RIMS2: variants seen among roughly 807,000 people sequenced by gnomAD.
The protein encoded by RIMS2 is regulating synaptic membrane exocytosis 2.
RIMS2 carries 59 observed loss-of-function variants against 174.4 expected under a neutral mutation model. The ratio of observed to expected loss-of-function variants is 0.34; its 90% CI spans 0.27 to 0.42. The LOEUF (loss-of-function observed/expected upper bound fraction) is 0.42. Among genes scored for constraint, RIMS2 ranks in the 10% least tolerant of loss-of-function variants. The probability of loss-of-function intolerance (pLI) is 1.00; values close to 1 mark genes in which losing one functional copy is unlikely to be tolerated. For synonymous variants in RIMS2, 606 were observed against 572.5 expected (o/e 1.06, Z -0.84); for missense variants, 1,620 against 1,666.3 (o/e 0.97, Z 0.48).
intron 3 of RIMS2, among the ~76,000 whole-genome samples, chr8:103,773,528 G>A (rs1318120722): frequency 6.6e-6 from 1 of 152,080 alleles, no homozygotes; most frequent in African/African-American, 2.4e-5. Context: ...TCAGGAGTTC[G>A]AGACCAGCCT....
intron 1 of RIMS2, among the ~76,000 whole-genome samples, chr8:103,643,957 A>T (rs12681238): frequency 0.065 from 9,919 of 152,050 alleles, 398 homozygotes; most frequent in South Asian, 0.087. Flanking sequence ...CATCTTTATA[A>T]AATAGTTTCC....
chr8:104,042,712 T>C (rs938897824), intron 19 of RIMS2, among the ~76,000 whole-genome samples: 2 of 151,686 alleles, frequency 1.3e-5, no homozygotes, highest in African/African-American at 4.8e-5. Flanking sequence ...AGTTCACTTT[T>C]AGGATAGGTA....
intron 1 of RIMS2, among the ~76,000 whole-genome samples, chr8:103,619,045 C>G (rs557483387): frequency 1.3e-5 from 2 of 151,050 alleles, no homozygotes; most frequent in East Asian, 3.9e-4. Flanking sequence ...CCAATCCACT[C>G]CTGGATATGC....
At chr8:103,967,965 AT>A (rs2092333574) in intron 15 of RIMS2, among the ~76,000 whole-genome samples, 1 of 151,282 alleles carries the variant, frequency 6.6e-6, no homozygotes, top group African/African-American at 2.4e-5. Flanking sequence ...GGTTCAAGCA[AT>A]TCTCTCACCT....
intron 11 of RIMS2, among the ~76,000 whole-genome samples, chr8:103,931,009 G>A (rs2079813041): frequency 6.6e-6 from 1 of 152,078 alleles, no homozygotes; most frequent in Non-Finnish European, 1.5e-5. Context: ...TTATTTGCAT[G>A]TTAATAAGCA....
chr8:103,842,806 A>G (rs2098948032), intron 3 of RIMS2, among the ~76,000 whole-genome samples: 1 of 152,216 alleles, frequency 6.6e-6, no homozygotes, highest in Non-Finnish European at 1.5e-5. Flanking sequence ...AGTGTACCAT[A>G]AACTGGGTGG....
At chr8:104,217,870 TG>T (rs1308990735) in intron 19 of RIMS2, among the ~76,000 whole-genome samples, 6 of 152,174 alleles carry the variant, frequency 3.9e-5, no homozygotes, top group African/African-American at 1.4e-4. Flanking sequence ...TTATCGCTCA[TG>T]ACTTAAATGC....
chr8:103,652,552 T>A (rs1197857022), intron 1 of RIMS2, 72 bp from the exon 3 acceptor site: 1 of 773,354 alleles, frequency 1.3e-6, no homozygotes, highest in Non-Finnish European at 1.9e-6. Flanking sequence ...ATTTTTATTA[T>A]GGATAAGAAA....
rs376434557 is a variant in RIMS2, at chr8:103,931,330, C to G, written c.2312C>G (p.Pro771Arg). Residue 771 changes from proline (P) to arginine (R), a missense_variant, in exon 12 of 24, where the codon CCT (proline) becomes CGT (arginine). Transcript: ENST00000504942. ...ACAATTTTGGGAGCAAAAGATCTCC[C>G]TTCCAGGGAAGATGGGAGGCCAAGG... 3.0e-5 allele frequency: 48 copies of G among 1,605,266 alleles called. No individual in the cohort carries two copies. Among genetic ancestry groups the G allele is most frequent in the Non-Finnish European group, 4.1e-5 (48 of 1,175,532 alleles).
intron 2 of RIMS2, among the ~76,000 whole-genome samples, chr8:103,746,228 C>T (rs2097811524): frequency 6.6e-6 from 1 of 152,126 alleles, no homozygotes; most frequent in South Asian, 2.1e-4. Flanking sequence ...GATCTTGGCT[C>T]CCTTGTTGAA....
At chr8:103,513,433 G>C (rs1827518803) in intron 1 of RIMS2, among the ~76,000 whole-genome samples, 1 of 152,086 alleles carries the variant, frequency 6.6e-6, no homozygotes, top group African/African-American at 2.4e-5. Flanking sequence ...TGGAATTCAA[G>C]TATTTTAGAC....
intron 19 of RIMS2, among the ~76,000 whole-genome samples, chr8:104,030,613 TC>T (rs1393779914): frequency 1.3e-5 from 2 of 152,176 alleles, no homozygotes; most frequent in East Asian, 3.9e-4. Context: ...TCCATGCTTT[TC>T]TGGAACATAT....
intron 20 of RIMS2, 55 bp downstream of exon 26, chr8:104,245,112 T>A: frequency 6.4e-7 from 1 of 1,558,086 alleles, no homozygotes; most frequent in East Asian, 2.3e-5. Flanking sequence ...TATCTCACTC[T>A]ATGTGCTTTC....
At chr8:103,568,346 C>T (rs2132241273) in intron 1 of RIMS2, among the ~76,000 whole-genome samples, 1 of 152,122 alleles carries the variant, frequency 6.6e-6, no homozygotes, top group Non-Finnish European at 1.5e-5. Context: ...AATTATGGTT[C>T]AGAGATGGTT....
rs533997310 is a variant in RIMS2 at position 103,847,221 on chromosome 8, A to G, written c.699-38077A>G. On this transcript the variant is annotated intron_variant, in intron 3 of 23. Coordinates refer to ENST00000504942, the Ensembl canonical transcript of RIMS2. ...AAGTGGATAACTGGCAGTAATGGTTAGTGGTGCCACTCCTTCTTCTATCCC... is the reference window on the plus strand; with the variant it reads ...AAGTGGATAACTGGCAGTAATGGTTGGTGGTGCCACTCCTTCTTCTATCCC... 2.0e-5 allele frequency among the ~76,000 whole-genome samples: 3 copies of G among 152,206 alleles called. No homozygotes were observed. In the East Asian group the frequency reaches 5.8e-4, roughly 29 times the overall value.
intron 2 of RIMS2, among the ~76,000 whole-genome samples, chr8:103,758,008 A>G (rs886963590): frequency 3.3e-5 from 5 of 152,146 alleles, no homozygotes; most frequent in Admixed American, 2.6e-4. Flanking sequence ...CTGTGAGGGA[A>G]TACATTTCTT....
At chr8:103,694,988 G>C (rs193230871) in intron 1 of RIMS2, among the ~76,000 whole-genome samples, 1 of 152,310 alleles carries the variant, frequency 6.6e-6, no homozygotes, top group Admixed American at 6.5e-5. Context: ...GAGACTGTGG[G>C]GGTCTGCCTA....
intron 3 of RIMS2, among the ~76,000 whole-genome samples, chr8:103,843,606 G>A (rs966507296): frequency 6.6e-6 from 1 of 152,192 alleles, no homozygotes; most frequent in Non-Finnish European, 1.5e-5. Context: ...TCAAAGTTTT[G>A]TAGGGAGCTA....
intron 3 of RIMS2, among the ~76,000 whole-genome samples, chr8:103,843,755 G>A (rs1243447035): frequency 6.6e-6 from 1 of 152,022 alleles, no homozygotes; most frequent in Non-Finnish European, 1.5e-5. Flanking sequence ...TGATGCTATG[G>A]CATATCTATT....
Sources: allele counts gnomAD v4.1 joint callset (sites outside exome capture counted in the v4.1 genomes callset), GRCh38; gene constraint gnomAD v4.1.1; transcripts MANE v1.5; gene names NCBI Gene and HGNC (gene_info 2026-07-23, HGNC 2026-07-21).